Variants in ASIC2 observed in about 807,000 individuals in gnomAD.
ASIC2 encodes the protein acid sensing ion channel subunit 2, also known as acid-sensing ion channel 2.
In ASIC2, 25 loss-of-function variants were observed where a neutral mutation model predicts 57.3. That is an observed-to-expected ratio of 0.44 (90% CI 0.32 to 0.61). The LOEUF is 0.61. ASIC2 is among the 20% of genes least tolerant of loss of function. ASIC2 has a pLI of 0.06. For missense variants in ASIC2, 641 were observed against 738.1 expected (o/e 0.87, Z 1.52); for synonymous variants, 319 against 307.5 (o/e 1.04, Z -0.39).
At chr17:33,737,741 C>T (rs967083778) in intron 1 of ASIC2, among the ~76,000 whole-genome samples, 4 of 150,862 alleles carry the variant, frequency 2.7e-5, no homozygotes, top group Admixed American at 6.7e-5. Flanking sequence ...AACAGGAAAG[C>T]GTCCACCTGC....
In ASIC2 at chr17:33,055,855, T is replaced by C. The variant is rs73982412; in HGVS notation, c.988-27463A>G. Among the ~76,000 whole-genome samples, 682 of 152,296 alleles carry C rather than the reference T, an allele frequency of 4.5e-3. 5 individuals carry two copies. The highest frequency in any genetic ancestry group is 0.015 in the African/African-American group (637 of 41,562). ...CCTCCGTGATAAATGGTGGAATTAA[T>C]TGAATAGCAGAGCTGGATCACCCAG... is the stretch of plus-strand genomic sequence containing the variant. On this transcript the variant is annotated intron_variant, in intron 3 of 9. Coordinates refer to ENST00000225823, the MANE Select transcript of ASIC2 (RefSeq NM_183377.2).
intron 1 of ASIC2, among the ~76,000 whole-genome samples, chr17:33,856,576 T>TAGTAGTAGTGGTAGTAG (rs1379667109): frequency 6.5e-5 from 1 of 15,482 alleles, no homozygotes; most frequent in East Asian, 1.8e-3. Flanking sequence ...GGTGGTGCTG[T>TAGTAGTAGTGGTAGTAG]TGGCTGTAGT....
intron 1 of ASIC2, among the ~76,000 whole-genome samples, chr17:33,367,431 C>G (rs1161994130): frequency 6.6e-6 from 1 of 152,210 alleles, no homozygotes; most frequent in Non-Finnish European, 1.5e-5. Flanking sequence ...CACTGCTTCT[C>G]TCTGTAAAAG....
At chr17:33,422,377 G>A (rs1911074454) in intron 1 of ASIC2, among the ~76,000 whole-genome samples, 1 of 152,184 alleles carries the variant, frequency 6.6e-6, no homozygotes, top group African/African-American at 2.4e-5. Context: ...AGATAGAGTA[G>A]GGCATGCCAG....
intron 1 of ASIC2, among the ~76,000 whole-genome samples, chr17:34,138,038 T>C (rs956978613): frequency 6.6e-6 from 1 of 152,132 alleles, no homozygotes; most frequent in African/African-American, 2.4e-5. Flanking sequence ...ATTATCTAAT[T>C]ATCCAGGGAA....
In ASIC2 at chr17:33,419,449, T is replaced by C. The variant is rs539940252; in HGVS notation, c.556-307382A>G. Among the ~76,000 whole-genome samples, 20 of 152,332 alleles carry C rather than the reference T, an allele frequency of 1.3e-4. 1 individual carries two copies. Among genetic ancestry groups the C allele is most frequent in the Admixed American group, 1.0e-3 (16 of 15,298 alleles). ...GAATTTCTGGGAGTTTCTGGAACTA[T>C]TGTTAATGTAATGACAGTGGCTTCT... On this transcript the variant is annotated intron_variant, in intron 1 of 9. Coordinates refer to the ASIC2 transcript ENST00000359872.
At chr17:33,698,304 A>G (rs1908592653) in intron 1 of ASIC2, among the ~76,000 whole-genome samples, 1 of 152,154 alleles carries the variant, frequency 6.6e-6, no homozygotes, top group Admixed American at 6.5e-5. Context: ...CTCGGTACTT[A>G]AGATTCTTCA....
At chr17:33,144,051 CATATT>C (rs1317576583) in intron 1 of ASIC2, among the ~76,000 whole-genome samples, 2 of 151,678 alleles carry the variant, frequency 1.3e-5, no homozygotes, top group African/African-American at 2.4e-5. Context: ...GGGCAATAGT[CATATT>C]ATAAGACCCT....
At chr17:33,960,054 A>G (rs112016117) in intron 1 of ASIC2, among the ~76,000 whole-genome samples, 107 of 152,344 alleles carry the variant, frequency 7.0e-4, no homozygotes, top group African/African-American at 2.3e-3. Flanking sequence ...ACCCATCAGC[A>G]TAGTTCAACC....
At chr17:33,762,303 C>T (rs1370037367) in intron 1 of ASIC2, among the ~76,000 whole-genome samples, 1 of 152,136 alleles carries the variant, frequency 6.6e-6, no homozygotes, top group Non-Finnish European at 1.5e-5. Context: ...TTATAATATT[C>T]TCAGGGATTA....
At chr17:33,810,972 C>A (rs952900490) in intron 1 of ASIC2, among the ~76,000 whole-genome samples, 1 of 152,124 alleles carries the variant, frequency 6.6e-6, no homozygotes, top group South Asian at 2.1e-4. Context: ...ACTCTCCTAT[C>A]CTGGCCTCAG....
chr17:33,899,051 G>A (rs1915173508), intron 1 of ASIC2, among the ~76,000 whole-genome samples: 1 of 151,296 alleles, frequency 6.6e-6, no homozygotes, highest in African/African-American at 2.4e-5. Context: ...CTGAGTTAAA[G>A]CTCTAAAGAG....
intron 1 of ASIC2, among the ~76,000 whole-genome samples, chr17:33,550,557 G>A (rs764479101): frequency 6.6e-6 from 1 of 152,190 alleles, no homozygotes; most frequent in Non-Finnish European, 1.5e-5. Flanking sequence ...TAGTTAAACA[G>A]CAGAGGCTGA....
chr17:34,016,423 CAAAAA>C (rs398041640), intron 1 of ASIC2, among the ~76,000 whole-genome samples: 7 of 41,462 alleles, frequency 1.7e-4, no homozygotes, highest in African/African-American at 5.8e-4. Flanking sequence ...GACTCCGTCT[CAAAAA>C]AAAAAAAAAA....
chr17:33,853,671 A>T (rs962219094), intron 1 of ASIC2, among the ~76,000 whole-genome samples: 13 of 152,202 alleles, frequency 8.5e-5, no homozygotes, highest in African/African-American at 3.1e-4. Context: ...AGGAAAGACC[A>T]ACGTGGGAGG....
At chr17:33,955,091 A>G (rs893391958) in intron 1 of ASIC2, 2 of 152,204 alleles carry the variant, frequency 1.3e-5, no homozygotes. Flanking sequence ...TTGCCATTTT[A>G]CAGATAAGGA....
Position 33,275,041 on chromosome 17 carries a change from G to C in ASIC2, c.708+16367C>G, listed in dbSNP as rs187187454. 9.7e-4 allele frequency among the ~76,000 whole-genome samples: 147 copies of C among 152,276 alleles called. 1 individual carries two copies. The East Asian group carries it at 0.02, about 21-fold the overall frequency. On this transcript the variant is annotated intron_variant, in intron 1 of 9. Coordinates refer to ENST00000225823, the MANE Select transcript of ASIC2 (RefSeq NM_183377.2). ...CCTCATGCCCCTAGAGAGAGCTCAG[G>C]GTACCTGGGAGGCCCAGGCTGAAAA...
At chr17:33,179,621 A>G (rs1254411622) in intron 1 of ASIC2, among the ~76,000 whole-genome samples, 1 of 152,186 alleles carries the variant, frequency 6.6e-6, no homozygotes, top group Non-Finnish European at 1.5e-5. Flanking sequence ...TATATCCTAC[A>G]TTATCTCAAA....
At chr17:33,177,005 T>C (rs1018536634) in intron 1 of ASIC2, among the ~76,000 whole-genome samples, 1 of 152,252 alleles carries the variant, frequency 6.6e-6, no homozygotes, top group Admixed American at 6.5e-5. Flanking sequence ...CTTTGTTCCA[T>C]ATCCAAGGCA....
Sources: allele counts gnomAD v4.1 joint callset (sites outside exome capture counted in the v4.1 genomes callset), GRCh38; gene constraint gnomAD v4.1.1; transcripts MANE v1.5; gene names NCBI Gene and HGNC (gene_info 2026-07-23, HGNC 2026-07-21).